ARHGAP30: variants seen among roughly 807,000 people sequenced by gnomAD.
ARHGAP30 encodes the protein rho GTPase-activating protein 30.
A neutral mutation model predicts 72.0 loss-of-function variants in ARHGAP30; 23 were observed. The observed-to-expected ratio is 0.32, with a 90% CI of 0.23 to 0.45. The LOEUF is 0.45. Ranked by LOEUF, ARHGAP30 falls within the 20% of genes least tolerant of loss-of-function variation. The pLI, the probability that ARHGAP30 is intolerant of heterozygous loss-of-function variation, is 1.00. For synonymous variants in ARHGAP30, 576 were observed against 528.2 expected (o/e 1.09, Z -1.24); for missense variants, 1,319 against 1,383.4 (o/e 0.95, Z 0.74).
rs1651183018 is a variant in ARHGAP30 at position 161,049,465 on chromosome 1, C to G, written c.1645G>C (p.Gly549Arg). Reference sequence around the variant, plus strand: ...AGGAGCTCCTCCAGGTAGCCCATCCCAGGGTCGTCCTCCCCAGGGGAGAAG... The same window carrying G: ...AGGAGCTCCTCCAGGTAGCCCATCCGAGGGTCGTCCTCCCCAGGGGAGAAG... ...AAFSPGEDDP[G>R]MGYLEELLGV... is the part of the protein sequence containing the mutation. The change falls in exon 11 of 12, where the codon GGG becomes CGG. Residue 549 changes from glycine (G) to arginine (R), a missense_variant. Physicochemically the swap from Gly to Arg is moderately radical, Grantham distance 125. Coordinates refer to ENST00000368013, the MANE Select transcript of ARHGAP30 (RefSeq NM_001025598.2). 1 of 1,613,564 alleles carries G rather than the reference C, an allele frequency of 6.2e-7. No homozygotes were observed.
rs1651870756 is a variant in ARHGAP30 at position 161,056,265 on chromosome 1, T to C, written c.345+123A>G. Reference sequence around the variant, plus strand: ...GGAGGGGTCTTTTCCCCGGTAAGTTTTTCTGTGGTCTCTGTCATTCAGGAT... The same window carrying C: ...GGAGGGGTCTTTTCCCCGGTAAGTTCTTCTGTGGTCTCTGTCATTCAGGAT... On this transcript the variant is annotated intron_variant, in intron 3 of 11. Transcript: ENST00000368013. The C allele has an allele frequency of 2.9e-6, 4 of 1,375,440 alleles. No individual in the cohort carries two copies. The South Asian group carries it at 4.5e-5, about 15-fold the overall frequency. The allele number at this position is 1,375,440 out of a possible 1,614,324, so 85.2% of individuals were successfully genotyped here.
At chr1:161,050,489 A>G (rs1296064504) in intron 10 of ARHGAP30, among the ~76,000 whole-genome samples, 1 of 151,026 alleles carries the variant, frequency 6.6e-6, no homozygotes, top group Non-Finnish European at 1.5e-5. Flanking sequence ...AATTTTTTTT[A>G]GTAGAGACGG....
chr1:161,065,586 C>T (rs893232681), intron 1 of ARHGAP30, among the ~76,000 whole-genome samples: 3 of 149,346 alleles, frequency 2.0e-5, no homozygotes, highest in Admixed American at 6.7e-5. Flanking sequence ...TTTTCTGAGA[C>T]GGAGTTTCAC....
intron 4 of ARHGAP30, 54 bp from the exon 5 acceptor site, chr1:161,054,527 G>C: frequency 6.2e-7 from 1 of 1,603,008 alleles, no homozygotes; most frequent in South Asian, 1.1e-5. Context: ...CAGGCATTAG[G>C]GCTGGGACCT....
chr1:161,051,260 C>T (rs1197151792), intron 10 of ARHGAP30, 54 bp downstream of exon 10: 2 of 1,513,426 alleles, frequency 1.3e-6, no homozygotes, highest in Admixed American at 2.2e-5. Context: ...ATCAGAGCTT[C>T]AGCCTAGAGT....
chr1:161,051,561 A>G lies in ARHGAP30; in HGVS notation c.1173T>C (p.Ala391=), dbSNP rs1651370789. Residue 391 remains alanine, a synonymous_variant, in exon 10 of 12, where the codon GCT becomes GCC. Transcript: ENST00000368013. The part of the protein sequence containing the change: ...GTNSEPGTPR[A]GRSAIRAGGS... ...CCCCAGCCCGGATGGCTGACCGCCC[A>G]GCTCGTGGTGTGCCTGGTTCAGAGT... 6.2e-7 allele frequency: 1 copy of G among 1,614,066 alleles called. No individual in the cohort carries two copies. The highest frequency in any genetic ancestry group is 8.5e-7 in the Non-Finnish European group (1 of 1,180,024).
intron 1 of ARHGAP30, among the ~76,000 whole-genome samples, chr1:161,064,833 G>GGAAGAAAGAAAGAA (rs1652626197): frequency 6.0e-5 from 4 of 66,916 alleles, no homozygotes; most frequent in Non-Finnish European, 9.9e-5. Context: ...GAAAGAAAGA[G>GGAAGAAAGAAAGAA]AAAGAAAGAA....
intron 5 of ARHGAP30, among the ~76,000 whole-genome samples, chr1:161,053,873 C>A (rs1451768953): frequency 3.3e-5 from 5 of 152,144 alleles, no homozygotes; most frequent in Non-Finnish European, 7.4e-5. Flanking sequence ...CAAGATCAGC[C>A]TGACCAACAT....
chr1:161,053,190 T>G (rs1259311354), intron 6 of ARHGAP30, 68 bp downstream of exon 6: 1 of 1,594,214 alleles, frequency 6.3e-7, no homozygotes, highest in Non-Finnish European at 8.6e-7. Flanking sequence ...TAGGTGATCT[T>G]CAAGGCTCTC....
At chr1:161,065,868 CTTAT>C (rs376275626) in intron 1 of ARHGAP30, among the ~76,000 whole-genome samples, 24,555 of 132,950 alleles carry the variant, frequency 0.18, 3,500 homozygotes, top group African/African-American at 0.4. Flanking sequence ...CACCCGGCCC[CTTAT>C]TTATTTATTT....
At chr1:161,067,777 C>T (rs1448924468) in intron 1 of ARHGAP30, among the ~76,000 whole-genome samples, 1 of 152,104 alleles carries the variant, frequency 6.6e-6, no homozygotes, top group East Asian at 1.9e-4. Context: ...AAAGATCTCT[C>T]TGCTCTCATT....
At position 161,053,343 on chromosome 1, in the gene ARHGAP30, G is replaced by T; in HGVS notation, c.579C>A (p.Ala193=). The change falls in exon 6 of 12, where the codon GCC becomes GCA. Residue 193 remains alanine, a synonymous_variant. Transcript: ENST00000368013. The part of the protein sequence containing the change: ...IEASGFNGTA[A]FMEVRVQSIV... ...TGGATTGTACCCGCACCTCCATGAA[G>T]GCCGCTGTCCCATTGAAGCCTGAGG... 6.2e-7 allele frequency: 1 copy of T among 1,613,992 alleles called. No homozygotes were observed. Among genetic ancestry groups the T allele is most frequent in the South Asian group, 1.1e-5 (1 of 91,082 alleles).
At chr1:161,051,744 C>T in intron 9 of ARHGAP30, 29 bp from the exon 10 acceptor site, 1 of 1,563,204 alleles carries the variant, frequency 6.4e-7, no homozygotes, top group Non-Finnish European at 8.6e-7. Flanking sequence ...GCCAGGTAGG[C>T]AATAGCCTAA....
At position 161,052,649 on chromosome 1, in the gene ARHGAP30, A is replaced by G. The variant is rs1284030486; in HGVS notation, c.813T>C (p.Thr271=). The change falls in exon 7 of 12, where the codon ACT becomes ACC. Residue 271 remains threonine, a synonymous_variant. Transcript: ENST00000368013. ...DGPPQMRPYH[T]IIEIAEHKRK... is the part of the protein sequence containing the mutation. ...ACTTGTGCTCTGCAATCTCGATGAT[A>G]GTATGGTAGGGCCGCATCTGTGGGG... is the stretch of plus-strand genomic sequence containing the variant. 2 of 1,613,820 alleles carry G rather than the reference A, an allele frequency of 1.2e-6. No individual in the cohort carries two copies. The highest frequency in any genetic ancestry group is 2.2e-5 in the East Asian group (1 of 44,892).
intron 1 of ARHGAP30, among the ~76,000 whole-genome samples, chr1:161,068,538 AAG>A (rs1652930386): frequency 6.6e-6 from 1 of 152,124 alleles, no homozygotes. Flanking sequence ...GGAGGGGACA[AAG>A]AGGAAATGAC....
At chr1:161,066,859 C>A (rs536853816) in intron 1 of ARHGAP30, among the ~76,000 whole-genome samples, 6 of 152,086 alleles carry the variant, frequency 3.9e-5, no homozygotes, top group African/African-American at 1.4e-4. Context: ...ATAGGGCAGG[C>A]CCCTCCTTGT....
Position 161,051,641 on chromosome 1 carries a change from T to G in ARHGAP30, c.1093A>C (p.Ile365Leu). The G allele has an allele frequency of 6.2e-7, 1 of 1,613,080 alleles. No individual in the cohort carries two copies. Among genetic ancestry groups the G allele is most frequent in the South Asian group, 1.1e-5 (1 of 91,086 alleles). Residue 365 changes from isoleucine to leucine, a missense_variant, in exon 10 of 12, where the codon ATA (isoleucine) becomes CTA (leucine). By Grantham distance (5) the Ile-to-Leu change is conservative. Around this residue, in one of 2 missense-constraint regions of ARHGAP30, gnomAD observed 1,097 missense variants for 1,045.2 expected, o/e 1.05. Transcript: ENST00000368013. ...TCCTGTTCACCCTCTGCTGCCTCTA[T>G]AGAATCGTTCTCCAAGCTCTCAGGC... ...LLPESLENDS[I>L]EAAEGEQEPE...
intron 6 of ARHGAP30, 192 bp from the exon 7 acceptor site, chr1:161,052,989 G>T: frequency 1.1e-6 from 1 of 903,514 alleles, no homozygotes; most frequent in African/African-American, 1.7e-5. Context: ...ATCCGAGAAC[G>T]TTGGCCTGGT....
chr1:161,064,820 AAAGAAAGAAAGAGAAAG>A (rs1652608257), intron 1 of ARHGAP30, among the ~76,000 whole-genome samples: 1 of 60,748 alleles, frequency 1.6e-5, no homozygotes, highest in African/African-American at 1.1e-4. Flanking sequence ...AGAAAGAAAG[AAAGAAAGAAAGAGAAAG>A]AAAGAAAGAA....
Sources: allele counts gnomAD v4.1 joint callset (sites outside exome capture counted in the v4.1 genomes callset), GRCh38; gene constraint gnomAD v4.1.1; regional missense constraint gnomAD v4.1.1; transcripts MANE v1.5; gene names NCBI Gene and HGNC (gene_info 2026-07-23, HGNC 2026-07-21).